The following FRMD5 variants were observed in gnomAD, a reference collection of about 807,000 sequenced individuals.
The protein encoded by FRMD5 is FERM domain-containing protein 5.
Under a neutral mutation model 69.0 loss-of-function variants are expected in FRMD5, and 20 were observed. That is an observed-to-expected ratio of 0.29 (90% confidence interval 0.20 to 0.42). The LOEUF (loss-of-function observed/expected upper bound fraction) is 0.42, where lower values mean the gene tolerates loss of function less well. Among genes scored for constraint, FRMD5 ranks in the 10% least tolerant of loss-of-function variants. FRMD5 has a pLI of 1.00. For synonymous variants in FRMD5, 271 were observed against 260.1 expected, an observed-to-expected ratio of 1.04 and a Z score of -0.40; for missense variants, 595 against 708.6, an observed-to-expected ratio of 0.84 and a Z score of 1.82.
chr15:44,194,835 G>A, intron 1 of FRMD5, 118 bp downstream of exon 1: 3 of 899,672 alleles, frequency 3.3e-6, no homozygotes, highest in Non-Finnish European at 5.3e-6. Flanking sequence ...ACCAGGAACG[G>A]ACAAAGCACG....
chr15:44,118,618 A>C (rs2140634955), intron 1 of FRMD5, among the ~76,000 whole-genome samples: 1 of 152,312 alleles, frequency 6.6e-6, no homozygotes, highest in East Asian at 1.9e-4. Flanking sequence ...AATTTATCAC[A>C]GCATTTACTT....
intron 1 of FRMD5, among the ~76,000 whole-genome samples, chr15:44,088,065 G>T (rs949715880): frequency 1.3e-5 from 2 of 152,122 alleles, no homozygotes; most frequent in African/African-American, 2.4e-5. Context: ...TGAGTGTTTA[G>T]AGAGGAAAGA....
At chr15:44,152,549 T>C (rs1280043298) in intron 1 of FRMD5, among the ~76,000 whole-genome samples, 2 of 152,256 alleles carry the variant, frequency 1.3e-5, no homozygotes, top group African/African-American at 4.8e-5. Context: ...ATTCTTGAGT[T>C]ACCTCAGTAA....
rs181560064 is a variant in FRMD5 at position 44,169,961 on chromosome 15, A to G, written c.102+24992T>C. Among the ~76,000 whole-genome samples the G allele has an allele frequency of 2.6e-5, 4 of 152,362 alleles. No individual in the cohort carries two copies. The East Asian group carries it at 7.7e-4, about 29-fold the overall frequency. ...TATTGCCTGTGTATAGAACTACTAC[A>G]TACTCTTTTGTTCCTGGAGAAGAGA... On this transcript the variant is annotated intron_variant, in intron 1 of 13. Transcript: ENST00000417257.
chr15:44,108,620 G>A (rs1156977063), intron 1 of FRMD5, among the ~76,000 whole-genome samples: 1 of 152,070 alleles, frequency 6.6e-6, no homozygotes, highest in African/African-American at 2.4e-5. Context: ...ACTCCAGCCT[G>A]GGCAACAAGA....
At chr15:43,951,697 C>A (rs988562039) in intron 1 of FRMD5, among the ~76,000 whole-genome samples, 6 of 152,076 alleles carry the variant, frequency 3.9e-5, no homozygotes, top group Non-Finnish European at 8.8e-5. Flanking sequence ...TGCTTTTGAG[C>A]CTTAAACTGC....
chr15:44,058,193 T>A (rs1255689699), intron 1 of FRMD5, among the ~76,000 whole-genome samples: 2 of 152,054 alleles, frequency 1.3e-5, no homozygotes, highest in African/African-American at 4.8e-5. Context: ...TACAAGAATA[T>A]TTCAAAAAAA....
rs138275273 is a variant in FRMD5, at chr15:43,974,245, G to T, written c.103-49936C>A. ...CTCAGGTGACTCCTTAAGGGTGAAT[G>T]AGAGTTTGCCAAATGAAAAGGGTCA... On this transcript the variant is annotated intron_variant, in intron 1 of 13. Transcript: ENST00000417257. 7.5e-4 allele frequency among the ~76,000 whole-genome samples: 114 copies of T among 152,194 alleles called. 2 individuals carry two copies. The South Asian group carries it at 0.012, about 16-fold the overall frequency.
chr15:44,028,961 C>T (rs1891558700), intron 1 of FRMD5, among the ~76,000 whole-genome samples: 1 of 152,206 alleles, frequency 6.6e-6, no homozygotes, highest in Non-Finnish European at 1.5e-5. Context: ...GACATTTTCT[C>T]TGAGGAAGGC....
At chr15:43,990,074 G>A (rs188939982) in intron 1 of FRMD5, 729 of 702,462 alleles carry the variant, frequency 1.0e-3, no homozygotes, top group Non-Finnish European at 1.6e-3. Flanking sequence ...TGTCTGGGGC[G>A]CCCCACAATG....
chr15:43,949,427 A>G (rs543171648), intron 1 of FRMD5, among the ~76,000 whole-genome samples: 2 of 152,162 alleles, frequency 1.3e-5, no homozygotes, highest in African/African-American at 4.8e-5. Context: ...ACTTCCTACT[A>G]AACTGTGAGC....
chr15:44,125,971 A>T lies in FRMD5; in HGVS notation c.102+68982T>A, dbSNP rs528048312. Among the ~76,000 whole-genome samples, 17 of 152,364 alleles carry T rather than the reference A, an allele frequency of 1.1e-4. No homozygotes were observed. The East Asian group carries it at 3.3e-3, about 29-fold the overall frequency. On this transcript the variant is annotated intron_variant, in intron 1 of 13. Transcript: ENST00000417257. ...AGCTTTTGAAAATGTAAGTAGTCTT[A>T]TCGGTAAATTCTATAAATTACCTTT...
intron 1 of FRMD5, among the ~76,000 whole-genome samples, chr15:44,015,541 T>C (rs1044612638): frequency 6.6e-6 from 1 of 152,204 alleles, no homozygotes; most frequent in Admixed American, 6.5e-5. Flanking sequence ...CTATTCAAAA[T>C]GGACTCTATT....
intron 1 of FRMD5, among the ~76,000 whole-genome samples, chr15:44,098,319 G>C (rs1396702971): frequency 6.6e-6 from 1 of 152,058 alleles, no homozygotes; most frequent in African/African-American, 2.4e-5. Flanking sequence ...GAGGTCAAGA[G>C]ATCGAGACCA....
chr15:44,046,146 A>G (rs938734154), intron 1 of FRMD5, among the ~76,000 whole-genome samples: 2 of 152,162 alleles, frequency 1.3e-5, no homozygotes, highest in Non-Finnish European at 2.9e-5. Context: ...GAATGAATGA[A>G]GTTCTCCTTT....
chr15:44,157,907 A>T (rs1184815949), intron 1 of FRMD5, among the ~76,000 whole-genome samples: 1 of 152,202 alleles, frequency 6.6e-6, no homozygotes, highest in Non-Finnish European at 1.5e-5. Context: ...CTGATGAGAC[A>T]ATTGAATCAC....
intron 1 of FRMD5, among the ~76,000 whole-genome samples, chr15:43,937,740 G>A (rs1178879274): frequency 1.3e-5 from 2 of 151,930 alleles, no homozygotes; most frequent in Admixed American, 6.6e-5. Flanking sequence ...GAGCTGCCAC[G>A]TGGGCCTAGT....
At chr15:43,889,861 A>C (rs949067493) in intron 8 of FRMD5, among the ~76,000 whole-genome samples, 1 of 152,164 alleles carries the variant, frequency 6.6e-6, no homozygotes, top group Non-Finnish European at 1.5e-5. Context: ...CTTGTCATGC[A>C]CATTCACCTC....
At chr15:44,182,337 T>C (rs1352119243) in intron 1 of FRMD5, among the ~76,000 whole-genome samples, 2 of 145,186 alleles carry the variant, frequency 1.4e-5, no homozygotes, top group East Asian at 4.0e-4. Context: ...TTTTTTTTTT[T>C]TTTTTTTTCT....
Sources: allele counts gnomAD v4.1 joint callset (sites outside exome capture counted in the v4.1 genomes callset), GRCh38; gene constraint gnomAD v4.1.1; transcripts MANE v1.5; gene names NCBI Gene and HGNC (gene_info 2026-07-23, HGNC 2026-07-21).